Variants in CASK observed in about 807,000 individuals in gnomAD.
The protein encoded by CASK is peripheral plasma membrane protein CASK.
Under a neutral mutation model 82.9 loss-of-function variants are expected in CASK, and 4 were observed. That is an observed-to-expected ratio of 0.05 (90% CI 0.02 to 0.11). CASK has a LOEUF of 0.11. Among genes scored for constraint, CASK ranks in the 10% least tolerant of loss-of-function variants. The pLI, the probability that CASK is intolerant of heterozygous loss-of-function variation, is 1.00. For missense variants in CASK, 358 were observed against 720.9 expected, an observed-to-expected ratio of 0.50 and a Z score of 5.76; for synonymous variants, 259 against 253.5, an observed-to-expected ratio of 1.02 and a Z score of -0.20.
chrX:41,687,404 C>T (rs1046302304), intron 5 of CASK, among the ~76,000 whole-genome samples: 1 of 111,782 alleles, frequency 8.9e-6, no homozygotes, highest in African/African-American at 3.3e-5. Context: ...CATGCTGCAA[C>T]GCAGATGAAC....
At chrX:41,536,432 C>T (rs1297820806) in intron 22 of CASK, among the ~76,000 whole-genome samples, 1 of 110,986 alleles carries the variant, frequency 9.0e-6, no homozygotes, top group African/African-American at 3.3e-5. Context: ...TTTAGCCAAT[C>T]ATTTATTAAG....
At chrX:41,597,835 A>G (rs779369871) in intron 12 of CASK, among the ~76,000 whole-genome samples, 7 of 111,253 alleles carry the variant, frequency 6.3e-5, no homozygotes, top group Non-Finnish European at 9.4e-5. Context: ...TTCTTGCTCA[A>G]GTTTACATAT....
intron 8 of CASK, among the ~76,000 whole-genome samples, chrX:41,643,260 C>A (rs1167861719): frequency 9.0e-6 from 1 of 111,657 alleles, no homozygotes; most frequent in Non-Finnish European, 1.9e-5. Context: ...AATGCGGGCT[C>A]TTTTTTGGGT....
At chrX:41,818,316 T>C (rs1488524105) in intron 2 of CASK, among the ~76,000 whole-genome samples, 1 of 110,679 alleles carries the variant, frequency 9.0e-6, no homozygotes, top group Admixed American at 9.7e-5. Context: ...CGTATAAAAC[T>C]ACAGGGCTGG....
At chrX:41,889,803 A>T (rs1407193108) in intron 1 of CASK, among the ~76,000 whole-genome samples, 1 of 111,174 alleles carries the variant, frequency 9.0e-6, no homozygotes, top group Non-Finnish European at 1.9e-5. Context: ...TCACTAATTG[A>T]CCTAATGCTA....
At chrX:41,675,279 T>C (rs966861702) in intron 5 of CASK, among the ~76,000 whole-genome samples, 1 of 112,263 alleles carries the variant, frequency 8.9e-6, no homozygotes, top group Non-Finnish European at 1.9e-5. Flanking sequence ...CAGATATACA[T>C]GGTTTAATAT....
intron 17 of CASK, 39 bp from the exon 18 acceptor site, chrX:41,559,886 T>G (rs769084815): frequency 2.7e-6 from 3 of 1,124,408 alleles, no homozygotes; most frequent in Non-Finnish European, 3.7e-6. Flanking sequence ...AAAGTTTTCT[T>G]ACAAACAATT....
intron 16 of CASK, among the ~76,000 whole-genome samples, chrX:41,568,087 CA>C (rs1277030016): frequency 3.5e-5 from 1 of 28,345 alleles, no homozygotes; most frequent in Non-Finnish European, 6.0e-5. Context: ...TGGGGCCTGT[CA>C]GGGGGTGGGG....
chrX:41,850,546 C>T (rs1442369461), intron 2 of CASK, among the ~76,000 whole-genome samples: 1 of 111,873 alleles, frequency 8.9e-6, no homozygotes, highest in Non-Finnish European at 1.9e-5. Flanking sequence ...TTATCTGTTG[C>T]TTAAGAGATA....
intron 2 of CASK, among the ~76,000 whole-genome samples, chrX:41,816,580 A>C (rs1461965289): frequency 9.0e-6 from 1 of 110,876 alleles, no homozygotes; most frequent in African/African-American, 3.3e-5. Context: ...GGGTTCTTGA[A>C]ATAGATCAAT....
chrX:41,640,426 TCTC>T (rs1460298771), intron 8 of CASK, among the ~76,000 whole-genome samples: 2 of 111,179 alleles, frequency 1.8e-5, no homozygotes, highest in African/African-American at 3.3e-5. Context: ...CTGGTCTCGA[TCTC>T]CTGACCTTGT....
intron 2 of CASK, among the ~76,000 whole-genome samples, chrX:41,818,269 T>A (rs1351636706): frequency 9.2e-6 from 1 of 108,121 alleles, no homozygotes; most frequent in Non-Finnish European, 1.9e-5. Context: ...TTTGATAAAG[T>A]AGAACAAAGT....
At chrX:41,531,546 T>C (rs2064804119) in intron 24 of CASK, among the ~76,000 whole-genome samples, 1 of 111,885 alleles carries the variant, frequency 8.9e-6, no homozygotes, top group African/African-American at 3.3e-5. Context: ...CTTAATGCAG[T>C]TGGGTCTTGT....
At chrX:41,645,860 T>C (rs889814215) in intron 8 of CASK, among the ~76,000 whole-genome samples, 1 of 111,094 alleles carries the variant, frequency 9.0e-6, no homozygotes, top group African/African-American at 3.3e-5. Context: ...CTACACATAA[T>C]TATTCTTATT....
intron 7 of CASK, among the ~76,000 whole-genome samples, chrX:41,664,374 G>T (rs757688855): frequency 1.2e-4 from 14 of 112,002 alleles, no homozygotes; most frequent in Non-Finnish European, 2.1e-4. Context: ...GGGCCTCATA[G>T]TTTTAGAGTC....
Position 41,527,193 on chromosome X carries a change from C to CAG in CASK, c.2521-3161_2521-3160dup, listed in dbSNP as rs35002329. ...TGGGATTCGGAGAGAGAGACGGGGA[C>CAG]AGAGAGAGAGACAGAGAGTGAGAGA... On this transcript the variant is annotated intron_variant, in intron 25 of 26. Transcript: ENST00000378163. 6.1e-3 allele frequency among the ~76,000 whole-genome samples: 659 copies of CAG among 108,104 alleles called. 26 individuals are homozygous for CAG. In the East Asian group the frequency reaches 0.12, roughly 21 times the overall value. 93.9% of individuals were successfully genotyped at this position (108,104 alleles called of 115,157 possible). A position where few individuals can be genotyped will look rare whatever the true frequency, so the allele number is the denominator to read the frequency against.
At chrX:41,612,570 G>C (rs1345263474) in intron 11 of CASK, among the ~76,000 whole-genome samples, 6 of 103,780 alleles carry the variant, frequency 5.8e-5, no homozygotes, top group African/African-American at 1.4e-4. Flanking sequence ...CGTCCGGGAG[G>C]TGAGGGGCGC....
intron 1 of CASK, among the ~76,000 whole-genome samples, chrX:41,908,094 C>T (rs776031889): frequency 3.0e-4 from 33 of 111,570 alleles, no homozygotes; most frequent in South Asian, 3.8e-4. Context: ...TTGGGGACCC[C>T]TGGCTTAGAA....
At chrX:41,535,947 G>C (rs1050010827) in intron 22 of CASK, among the ~76,000 whole-genome samples, 12 of 111,545 alleles carry the variant, frequency 1.1e-4, no homozygotes, top group Non-Finnish European at 9.4e-5. Flanking sequence ...TTGTATGTCT[G>C]TGTTTCCTGT....
Sources: allele counts gnomAD v4.1 joint callset (sites outside exome capture counted in the v4.1 genomes callset), GRCh38; gene constraint gnomAD v4.1.1; transcripts MANE v1.5; gene names NCBI Gene and HGNC (gene_info 2026-07-23, HGNC 2026-07-21).